GRIN2C: variants seen among roughly 807,000 people sequenced by gnomAD.
The protein encoded by GRIN2C is glutamate ionotropic receptor NMDA type subunit 2C.
GRIN2C carries 64 observed loss-of-function variants against 77.7 expected under a neutral mutation model. The observed-to-expected ratio is 0.82, with a 90% CI of 0.67 to 1.01. The LOEUF is 1.01. GRIN2C is among the 50% of genes least tolerant of loss of function. The pLI, the probability that GRIN2C is intolerant of heterozygous loss-of-function variation, is 0.00. For synonymous variants in GRIN2C, 792 were observed against 643.4 expected, an observed-to-expected ratio of 1.23 and a Z score of -3.49; for missense variants, 1,549 against 1,486.0, an observed-to-expected ratio of 1.04 and a Z score of -0.70.
rs371107923 is a variant in GRIN2C, at chr17:74,847,364, C to T, written c.1945G>A (p.Ala649Thr). Reference sequence around the variant, plus strand: ...ATGTATTGCTCTTGGATCATGAAGGCGGCCAGGTTGGCCGTGTAGCTGGCG... The same window carrying T: ...ATGTATTGCTCTTGGATCATGAAGGTGGCCAGGTTGGCCGTGTAGCTGGCG... ...FLASYTANLA[A>T]FMIQEQYIDT... Residue 649 changes from alanine to threonine, a missense_variant, in exon 9 of 13, where the codon GCC (alanine) becomes ACC (threonine). Around this residue, in one of 3 missense-constraint regions of GRIN2C, gnomAD observed 717 missense variants for 858.1 expected, o/e 0.84. Transcript: ENST00000293190. The surrounding 1 kb of genome is among the most constrained non-coding windows in gnomAD (Gnocchi z 5.2). 5.7e-5 allele frequency: 90 copies of T among 1,590,400 alleles called. No homozygotes were observed. The highest frequency in any genetic ancestry group is 7.2e-5 in the Non-Finnish European group (84 of 1,166,914).
chr17:74,854,640 C>T, intron 2 of GRIN2C, 54 bp downstream of exon 2: 1 of 1,511,772 alleles, frequency 6.6e-7, no homozygotes, highest in Non-Finnish European at 9.1e-7. Flanking sequence ...GCACCCCCGA[C>T]CCCAGCCTGG....
intron 1 of GRIN2C, among the ~76,000 whole-genome samples, chr17:74,857,572 A>G (rs2037850167): frequency 6.6e-6 from 1 of 152,218 alleles, no homozygotes; most frequent in South Asian, 2.1e-4. Flanking sequence ...GATCTCAACC[A>G]CAAAGGACAC....
chr17:74,855,137 G>A (rs745853501), intron 1 of GRIN2C, 30 bp from the exon 2 acceptor site: 1 of 1,511,046 alleles, frequency 6.6e-7, no homozygotes, highest in Non-Finnish European at 8.8e-7. Context: ...AGCACAGGGA[G>A]AGAGACAGAG....
At position 74,846,833 on chromosome 17, in the gene GRIN2C, G is replaced by A. The variant is rs1173857701; in HGVS notation, c.2089C>T (p.Arg697Cys). 6 of 1,614,158 alleles carry A rather than the reference G, an allele frequency of 3.7e-6. No homozygotes were observed. The highest frequency in any genetic ancestry group is 2.2e-5 in the East Asian group (1 of 44,886). ...STERNIRSNY[R>C]DMHTHMVKFN... ...TTGACCATGTGGGTGTGCATGTCAC[G>A]GTAGTTACTGCGGATGTTCCGCTCC... The change falls in exon 10 of 13, where the codon CGT (arginine) becomes TGT (cysteine). Residue 697 changes from arginine to cysteine, a missense_variant. By Grantham distance (180) the Arg-to-Cys change is radical (BLOSUM62 -3). Around this residue, in one of 3 missense-constraint regions of GRIN2C, gnomAD observed 717 missense variants for 858.1 expected, o/e 0.84. Transcript: ENST00000293190. The surrounding 1 kb of genome is among the most constrained non-coding windows in gnomAD (Gnocchi z 4.4).
chr17:74,842,558 C>T lies in GRIN2C; in HGVS notation c.3579G>A (p.Gly1193=). ...CACTGTCTCTGTAGCCTGTGCCCAG[C>T]CCCAGAGTCCTGCCCCTGTGCCCCA... ...GPLGHRGRTL[G]LGTGYRDSGG... Residue 1193 remains glycine, a synonymous_variant, in exon 13 of 13, where the codon GGG becomes GGA. Coordinates refer to ENST00000293190, the MANE Select transcript of GRIN2C (RefSeq NM_000835.6). 3 of 774,360 alleles carry T rather than the reference C, an allele frequency of 3.9e-6. No homozygotes were observed. Among genetic ancestry groups the T allele is most frequent in the Non-Finnish European group, 7.2e-6 (3 of 417,058 alleles). The allele number at this position is 774,360 out of a possible 1,614,324, so 48.0% of individuals were successfully genotyped here.
At chr17:74,848,408 C>T (rs1343316152) in intron 7 of GRIN2C, among the ~76,000 whole-genome samples, 3 of 152,222 alleles carry the variant, frequency 2.0e-5, no homozygotes, top group Admixed American at 6.5e-5. Flanking sequence ...TTTCTGTCTC[C>T]TAGAGTAAGA....
intron 12 of GRIN2C, 113 bp downstream of exon 12, chr17:74,844,163 G>C: frequency 2.0e-6 from 3 of 1,500,182 alleles, no homozygotes; most frequent in Non-Finnish European, 2.7e-6. Flanking sequence ...TGTGAGCCAT[G>C]AGCCGGGCCA....
chr17:74,842,195 C>A lies in GRIN2C; in HGVS notation c.*240G>T. ...GGAAGGGAGAGCCTCAGGAGTCTGACCCCCACAGCACACCCTCCTGGCAGA... is the reference window on the plus strand; with the variant it reads ...GGAAGGGAGAGCCTCAGGAGTCTGAACCCCACAGCACACCCTCCTGGCAGA... On this transcript the variant is annotated 3_prime_UTR_variant, in exon 13 of 13. Coordinates refer to ENST00000293190, the MANE Select transcript of GRIN2C (RefSeq NM_000835.6). The A allele has an allele frequency of 2.0e-6, 1 of 492,286 alleles. No homozygotes were observed. The highest frequency in any genetic ancestry group is 5.1e-4 in the Middle Eastern group (1 of 1,958). 30.5% of individuals were successfully genotyped at this position (492,286 alleles called of 1,614,324 possible).
rs1418228888 is a variant in GRIN2C at position 74,850,231 on chromosome 17, C to T, written c.1466G>A (p.Gly489Asp). ...TNGKHGKRVRGVWNGMIGEVY... is the reference protein window; with the variant it reads ...TNGKHGKRVRDVWNGMIGEVY... ...CTCCCCAATCATGCCGTTCCATACG[C>T]CGCGCACCCGCTTGCCATGCTTGCC... The change falls in exon 6 of 13, where the codon GGC becomes GAC. Residue 489 changes from glycine to aspartate, a missense_variant. Physicochemically the swap from Gly to Asp is moderately conservative, Grantham distance 94. Transcript: ENST00000293190. The surrounding 1 kb of genome is among the most constrained non-coding windows in gnomAD (Gnocchi z 5.3). 6.2e-7 allele frequency: 1 copy of T among 1,613,638 alleles called. No homozygotes were observed. The highest frequency in any genetic ancestry group is 1.1e-5 in the South Asian group (1 of 91,080).
rs1472103095 is a variant in GRIN2C at position 74,842,164 on chromosome 17, C to G, written c.*271G>C. 2 of 435,540 alleles carry G rather than the reference C, an allele frequency of 4.6e-6. No homozygotes were observed. Among genetic ancestry groups the G allele is most frequent in the Non-Finnish European group, 8.1e-6 (2 of 245,428 alleles). 27.0% of individuals were successfully genotyped at this position (435,540 alleles called of 1,614,324 possible). On this transcript the variant is annotated 3_prime_UTR_variant, in exon 13 of 13. Coordinates refer to ENST00000293190, the MANE Select transcript of GRIN2C (RefSeq NM_000835.6). ...GCAGCCATGACCAGTAACTGGCTAG[C>G]CCCAGGGAAGGGAGAGCCTCAGGAG...
In GRIN2C at chr17:74,852,147, C is replaced by G. The variant is rs748977640; in HGVS notation, c.864G>C (p.Lys288Asn). Residue 288 changes from lysine to asparagine, a missense_variant, in exon 3 of 13, where the codon AAG (lysine) becomes AAC (asparagine). Physicochemically the swap from Lys to Asn is moderately conservative, Grantham distance 94 (BLOSUM62 0). Around this residue, in one of 3 missense-constraint regions of GRIN2C, gnomAD observed 717 missense variants for 858.1 expected, o/e 0.84. Coordinates refer to ENST00000293190, the MANE Select transcript of GRIN2C (RefSeq NM_000835.6). ...CCAGAATGGCCACGCCGTCGCGCAC[C>G]TTCTGGCGCAGGCTGAGGCGCCAGC... ...TESWRLSLRQ[K>N]VRDGVAILAL... 3 of 1,453,120 alleles carry G rather than the reference C, an allele frequency of 2.1e-6. No homozygotes were observed. In the African/African-American group the frequency reaches 4.4e-5, roughly 21 times the overall value. The allele number at this position is 1,453,120 out of a possible 1,614,324, so 90.0% of individuals were successfully genotyped here. A position where few individuals can be genotyped will look rare whatever the true frequency, so the allele number is the denominator to read the frequency against.
Position 74,843,481 on chromosome 17 carries a change from C to T in GRIN2C, c.2656G>A (p.Ala886Thr). The T allele has an allele frequency of 1.3e-6, 2 of 1,534,120 alleles. No individual in the cohort carries two copies. Among genetic ancestry groups the T allele is most frequent in the African/African-American group, 2.7e-5 (2 of 73,094 alleles). The change falls in exon 13 of 13, where the codon GCC becomes ACC. Residue 886 changes from alanine (A) to threonine (T), a missense_variant. By Grantham distance (58) the Ala-to-Thr change is moderately conservative. Transcript: ENST00000293190. The stretch of plus-strand genomic sequence containing the variant: ...AGCACGCTGGCCTGGGCCGAGCTGG[C>T]CGTGAGGTCCGGGCTGGCCTGCCGC... ...PPRQASPDLT[A>T]SSAQASVLKM...
In GRIN2C at chr17:74,854,745, A is replaced by C. The variant is rs144762326; in HGVS notation, c.348T>G (p.His116Gln). The C allele has an allele frequency of 2.5e-5, 40 of 1,612,532 alleles. No homozygotes were observed. In the African/African-American group the frequency reaches 5.1e-4, roughly 20 times the overall value. Residue 116 changes from histidine (H) to glutamine (Q), a missense_variant, in exon 2 of 13, where the codon CAT (histidine) becomes CAG (glutamine). Physicochemically the swap from His to Gln is conservative, Grantham distance 24. Coordinates refer to ENST00000293190, the MANE Select transcript of GRIN2C (RefSeq NM_000835.6). ...QILDFISSQT[H>Q]VPILSISGGS... ...CTCCGCTGATGCTGAGGATGGGCACATGGGTCTGGGAGGAGATGAAGTCAA... is the reference window on the plus strand; with the variant it reads ...CTCCGCTGATGCTGAGGATGGGCACCTGGGTCTGGGAGGAGATGAAGTCAA...
intron 1 of GRIN2C, among the ~76,000 whole-genome samples, chr17:74,857,952 T>A (rs747750740): frequency 2.6e-5 from 4 of 152,184 alleles, no homozygotes; most frequent in Non-Finnish European, 4.4e-5. Flanking sequence ...AAAATTAACG[T>A]CACCTGTTTC....
In GRIN2C at chr17:74,843,013, A is replaced by C; in HGVS notation, c.3124T>G (p.Phe1042Val). ...TCCAGCTCCGGGAAGAGCGGGAGGA[A>C]GGGGCGGCCGGATCGGTCGGCTCGA... ...FPRADRSGRP[F>V]LPLFPELEDL... The change falls in exon 13 of 13, where the codon TTC (phenylalanine) becomes GTC (valine). Residue 1042 changes from phenylalanine (F) to valine (V), a missense_variant. This residue lies in a region of GRIN2C where 450 missense variants were observed against 267.9 expected (regional missense o/e 1.68). Coordinates refer to ENST00000293190, the MANE Select transcript of GRIN2C (RefSeq NM_000835.6). The C allele has an allele frequency of 2.2e-6, 1 of 454,102 alleles. No homozygotes were observed. The highest frequency in any genetic ancestry group is 4.9e-5 in the Admixed American group (1 of 20,502). 28.1% of individuals were successfully genotyped at this position (454,102 alleles called of 1,614,324 possible).
intron 11 of GRIN2C, 76 bp from the exon 12 acceptor site, chr17:74,844,584 C>A: frequency 1.9e-6 from 3 of 1,551,158 alleles, no homozygotes; most frequent in Non-Finnish European, 2.6e-6. Context: ...TCACCACAAA[C>A]CTGGAGTAAG....
rs2037889936 is a variant in GRIN2C at position 74,859,033 on chromosome 17, G to A, written c.-16+711C>T. Among the ~76,000 whole-genome samples, 1 of 151,962 alleles carries A rather than the reference G, an allele frequency of 6.6e-6. No homozygotes were observed. The highest frequency in any genetic ancestry group is 6.5e-5 in the Admixed American group (1 of 15,272). On this transcript the variant is annotated intron_variant, in intron 1 of 12. Transcript: ENST00000293190. This position sits in a 1 kb window ranked among gnomAD's most constrained non-coding sequence, Gnocchi z 5.9. ...CTGCCCTGGCTTCCCCTCCTGGGTG[G>A]GGAGCTCTGTGTAGTGGTCCCCTCC...
At chr17:74,854,279 T>C (rs1294290047) in intron 2 of GRIN2C, 1 of 172,350 alleles carries the variant, frequency 5.8e-6, no homozygotes, top group Admixed American at 6.2e-5. Flanking sequence ...GGGCCGTTTC[T>C]GCCTCCCCCA....
intron 1 of GRIN2C, among the ~76,000 whole-genome samples, chr17:74,855,880 C>T (rs965250117): frequency 1.3e-5 from 2 of 152,244 alleles, no homozygotes; most frequent in Admixed American, 1.3e-4. Flanking sequence ...ACAGCCCTTC[C>T]TTCTGTGGCC....
Sources: gnomAD v4.1 joint callset for allele counts (sites outside exome capture counted in the v4.1 genomes callset) on GRCh38, gnomAD v4.1.1 for gene constraint, gnomAD v4.1.1 regional missense constraint, Gnocchi (gnomAD v3.1) non-coding constraint, MANE v1.5 for transcripts, NCBI Gene and HGNC (gene_info 2026-07-23, HGNC 2026-07-21) for gene names.